RGPD4: variants seen among roughly 807,000 people sequenced by gnomAD.
RGPD4 encodes ranBP2-like and GRIP domain-containing protein 4.
In RGPD4, 84 loss-of-function variants were observed where a neutral mutation model predicts 141.1. The observed-to-expected ratio is 0.60, with a 90% CI of 0.50 to 0.71. The LOEUF is 0.71. RGPD4 is among the 30% of genes least tolerant of loss of function. The pLI is 0.00. For synonymous variants in RGPD4, 298 were observed against 566.8 expected (o/e 0.53, Z 6.74); for missense variants, 918 against 1,622.4 (o/e 0.57, Z 7.46).
In RGPD4 at chr2:107,854,056, T is replaced by G. The variant is rs1013807868; in HGVS notation, c.979-500T>G. Among the ~76,000 whole-genome samples the G allele has an allele frequency of 3.6e-5, 5 of 136,998 alleles. No individual in the cohort carries two copies. In the East Asian group the frequency reaches 6.2e-4, roughly 17 times the overall value. 89.9% of individuals were successfully genotyped at this position (136,998 alleles called of 152,430 possible). On this transcript the variant is annotated intron_variant, in intron 7 of 22. Transcript: ENST00000408999. ...GAGCCAACATGTCTGGCCCCTCTCT[T>G]TTTTTTTTTTTTTTTTGCGATGGAG...
At chr2:107,844,824 T>C (rs1165911650) in intron 6 of RGPD4, among the ~76,000 whole-genome samples, 3 of 76,046 alleles carry the variant, frequency 3.9e-5, no homozygotes, top group South Asian at 1.0e-3. Flanking sequence ...TCTTTCTTTC[T>C]TTTTTGTTTT....
At chr2:107,829,693 C>G (rs1023649591) in intron 1 of RGPD4, among the ~76,000 whole-genome samples, 4 of 152,150 alleles carry the variant, frequency 2.6e-5, no homozygotes, top group Admixed American at 6.5e-5. Context: ...GGGGGGACCG[C>G]GGCGGGCGGG....
In RGPD4 at chr2:107,827,064, C is replaced by T. The variant is rs370392563; in HGVS notation, c.51C>T (p.Gly17=). Residue 17 remains glycine, a synonymous_variant, in exon 1 of 23, where the codon GGC becomes GGT. Transcript: ENST00000408999. ...AGCGGTACGTCGCCTCCGTGCAGGG[C>T]TCCGCCCCGTCGCCTCGAAAGGTGA... The part of the protein sequence containing the change: ...YGERYVASVQ[G]SAPSPRKKST... The T allele has an allele frequency of 4.9e-4, 777 of 1,593,644 alleles. 5 individuals carry two copies. The African/African-American group carries it at 8.2e-3, about 17-fold the overall frequency.
chr2:107,862,887 T>C, intron 16 of RGPD4, 26 bp downstream of exon 16: 3 of 1,602,818 alleles, frequency 1.9e-6, no homozygotes, highest in Non-Finnish European at 2.5e-6. Flanking sequence ...TGGAATCATT[T>C]CATTGTGAAA....
At chr2:107,844,819 C>CTTTTT (rs1558794972) in intron 6 of RGPD4, among the ~76,000 whole-genome samples, 2 of 62,250 alleles carry the variant, frequency 3.2e-5, no homozygotes, top group Admixed American at 1.5e-4. Context: ...TTCTTTCTTT[C>CTTTTT]TTTCTTTTTT....
chr2:107,858,398 C>T (rs1393434425), intron 9 of RGPD4, among the ~76,000 whole-genome samples: 2 of 34,816 alleles, frequency 5.7e-5, no homozygotes, highest in African/African-American at 1.4e-4. Flanking sequence ...AGCACATAAC[C>T]TTTTCTTTTC....
rs1675640725 is a variant in RGPD4 at position 107,890,919 on chromosome 2, A to G, written c.*188A>G. 2 of 646,122 alleles carry G rather than the reference A, an allele frequency of 3.1e-6. No homozygotes were observed. Among genetic ancestry groups the G allele is most frequent in the African/African-American group, 1.9e-5 (1 of 53,434 alleles). 40.0% of individuals were successfully genotyped at this position (646,122 alleles called of 1,614,324 possible). On this transcript the variant is annotated 3_prime_UTR_variant, in exon 23 of 23. Coordinates refer to ENST00000408999, the MANE Select transcript of RGPD4 (RefSeq NM_182588.3). ...CATTTACATATATTTGTACATCTAT[A>G]TGACAGATGTATTTTAAAAGTTTCA...
In RGPD4 at chr2:107,871,377, G is replaced by A. The variant is rs770585913; in HGVS notation, c.3373G>A (p.Gly1125Arg). 1.9e-6 allele frequency: 2 copies of A among 1,051,958 alleles called. No individual in the cohort carries two copies. The highest frequency in any genetic ancestry group is 2.7e-6 in the Non-Finnish European group (2 of 729,328). The allele number at this position is 1,051,958 out of a possible 1,614,324, so 65.2% of individuals were successfully genotyped here. A position where few individuals can be genotyped will look rare whatever the true frequency, so the allele number is the denominator to read the frequency against. Residue 1125 changes from glycine to arginine, a missense_variant, in exon 20 of 23, where the codon GGA becomes AGA. By Grantham distance (125) the Gly-to-Arg change is moderately radical. Transcript: ENST00000408999. ...TTTMNLKPLS[G>R]SDRAWMWSAS... ...TACAATGAACCTGAAGCCCCTGTCT[G>A]GATCAGATAGAGCATGGATGTGGTC...
At chr2:107,831,572 CT>C (rs1166609493) in intron 1 of RGPD4, among the ~76,000 whole-genome samples, 1,302 of 108,784 alleles carry the variant, frequency 0.012, 4 homozygotes, top group African/African-American at 0.032. Flanking sequence ...CTTTTCTTTT[CT>C]TTTTTTTTTT....
intron 9 of RGPD4, among the ~76,000 whole-genome samples, chr2:107,857,632 C>T (rs1383000393): frequency 1.3e-5 from 2 of 151,676 alleles, no homozygotes; most frequent in African/African-American, 2.4e-5. Context: ...ACAGGGTCTC[C>T]CTTTGTTGCC....
chr2:107,827,551 G>C (rs1330679258), intron 1 of RGPD4, among the ~76,000 whole-genome samples: 3 of 43,912 alleles, frequency 6.8e-5, no homozygotes, highest in South Asian at 1.0e-3. Context: ...GGCTCCCGAC[G>C]GGCGCTGCTC....
Position 107,861,608 on chromosome 2 carries a change from G to T in RGPD4, c.2073G>T (p.Lys691Asn). 2 of 1,610,628 alleles carry T rather than the reference G, an allele frequency of 1.2e-6. No homozygotes were observed. Among genetic ancestry groups the T allele is most frequent in the Non-Finnish European group, 1.7e-6 (2 of 1,179,542 alleles). The change falls in exon 15 of 23, where the codon AAG becomes AAT. Residue 691 changes from lysine to asparagine, a missense_variant. Lys to Asn is a moderately conservative substitution (Grantham distance 94). Coordinates refer to ENST00000408999, the MANE Select transcript of RGPD4 (RefSeq NM_182588.3). ...TATTTGTATAGATTTTTCACAGGAAGGCAGAAGACATTGCAAATGATGCCC... is the reference window on the plus strand; with the variant it reads ...TATTTGTATAGATTTTTCACAGGAATGCAGAAGACATTGCAAATGATGCCC... ...YWNLALIFHR[K>N]AEDIANDALS...
intron 20 of RGPD4, among the ~76,000 whole-genome samples, chr2:107,873,211 C>T (rs1429110709): frequency 3.2e-4 from 19 of 59,858 alleles, no homozygotes; most frequent in Admixed American, 1.1e-3. Flanking sequence ...TTGAATCATG[C>T]GCATTAACGT....
intron 6 of RGPD4, among the ~76,000 whole-genome samples, chr2:107,846,757 C>G (rs571626947): frequency 6.6e-6 from 1 of 151,272 alleles, no homozygotes; most frequent in Non-Finnish European, 1.5e-5. Flanking sequence ...TGTGAGCCAC[C>G]GCACAGGGCC....
chr2:107,887,073 T>C (rs1176032812), intron 22 of RGPD4, among the ~76,000 whole-genome samples: 7 of 147,688 alleles, frequency 4.7e-5, no homozygotes, highest in Non-Finnish European at 9.0e-5. Flanking sequence ...CGAGACCCTA[T>C]GTCTACAAAA....
At chr2:107,890,645 G>A (rs1296240043) in intron 22 of RGPD4, 76 bp from the exon 23 acceptor site, 21 of 1,229,248 alleles carry the variant, frequency 1.7e-5, no homozygotes, top group African/African-American at 5.1e-5. Flanking sequence ...TTGTAGAGTG[G>A]TTCTAAAATA....
rs772159328 is a variant in RGPD4, at chr2:107,859,805, C to G, written c.1718C>G (p.Pro573Arg). The part of the protein sequence containing the change: ...LRAQEKHGLQ[P>R]ALLVHWAKCL... ...GCCCAGGAAAAACATGGCCTTCAAC[C>G]TGCTCTGCTTGTACATTGGGCAAAA... Residue 573 changes from proline to arginine, a missense_variant, in exon 12 of 23, where the codon CCT (proline) becomes CGT (arginine). Pro to Arg is a moderately radical substitution (Grantham distance 103). Transcript: ENST00000408999. 6.2e-7 allele frequency: 1 copy of G among 1,609,870 alleles called. No individual in the cohort carries two copies. The highest frequency in any genetic ancestry group is 2.2e-5 in the East Asian group (1 of 44,818).
At chr2:107,858,226 T>A (rs1396112056) in intron 9 of RGPD4, among the ~76,000 whole-genome samples, 2 of 151,954 alleles carry the variant, frequency 1.3e-5, no homozygotes, top group Non-Finnish European at 2.9e-5. Context: ...CCACTGTTAA[T>A]AATCATACTC....
chr2:107,829,535 C>T (rs1375215162), intron 1 of RGPD4, among the ~76,000 whole-genome samples: 2 of 141,366 alleles, frequency 1.4e-5, no homozygotes, highest in African/African-American at 5.7e-5. Context: ...GTTGAGGCGG[C>T]GGCCTCGACC....
Sources: allele counts gnomAD v4.1 joint callset (sites outside exome capture counted in the v4.1 genomes callset), GRCh38; gene constraint gnomAD v4.1.1; transcripts MANE v1.5; gene names NCBI Gene and HGNC (gene_info 2026-07-23, HGNC 2026-07-21).